The following TRIM33 variants were observed in gnomAD, a reference collection of about 807,000 sequenced individuals.
TRIM33 encodes the protein E3 ubiquitin-protein ligase TRIM33.
TRIM33 carries 20 observed loss-of-function variants against 125.4 expected under a neutral mutation model. The observed-to-expected ratio is 0.16, with a 90% CI of 0.11 to 0.23. The LOEUF (loss-of-function observed/expected upper bound fraction) is 0.23. Among genes scored for constraint, TRIM33 ranks in the 10% least tolerant of loss-of-function variants. The probability of loss-of-function intolerance (pLI) is 1.00; values close to 1 mark genes in which losing one functional copy is unlikely to be tolerated. For missense variants in TRIM33, 920 were observed against 1,411.4 expected (o/e 0.65, Z 5.58); for synonymous variants, 564 against 513.9 (o/e 1.10, Z -1.32).
chr1:114,412,290 G>A (rs774200383), intron 11 of TRIM33, among the ~76,000 whole-genome samples: 9 of 152,080 alleles, frequency 5.9e-5, no homozygotes, highest in African/African-American at 1.9e-4. Context: ...TACCAACTTC[G>A]CTTACAGAAA....
intron 4 of TRIM33, among the ~76,000 whole-genome samples, chr1:114,443,110 G>A (rs140744312): frequency 0.014 from 2,171 of 149,800 alleles, 31 homozygotes; most frequent in South Asian, 0.04. Context: ...GGGGCCAGGT[G>A]CGGTGGCTCA....
At chr1:114,418,244 G>T (rs7516184) in intron 11 of TRIM33, among the ~76,000 whole-genome samples, 6,593 of 152,242 alleles carry the variant, frequency 0.043, 156 homozygotes, top group African/African-American at 0.063. Context: ...AGAACAGCAT[G>T]AGGGAAACCA....
chr1:114,406,629 T>C (rs1299163943), intron 14 of TRIM33, among the ~76,000 whole-genome samples: 1 of 152,202 alleles, frequency 6.6e-6, no homozygotes, highest in African/African-American at 2.4e-5. Flanking sequence ...TGAGATTCAA[T>C]GTGACTACTG....
In TRIM33 at chr1:114,410,219, G is replaced by A; in HGVS notation, c.2159C>T (p.Ser720Phe). The change falls in exon 12 of 20, where the codon TCT becomes TTT. Residue 720 changes from serine to phenylalanine, a missense_variant. Coordinates refer to ENST00000358465, the MANE Select transcript of TRIM33 (RefSeq NM_015906.4). The part of the protein sequence containing the change: ...PPQPTSTMNP[S>F]PGPSALSPGS... ...CGGAGAAAGGGCAGAGGGACCTGGA[G>A]AAGGATTCATGGTGCTTGTAGGCTG... The A allele has an allele frequency of 6.2e-7, 1 of 1,614,096 alleles. No homozygotes were observed. Among genetic ancestry groups the A allele is most frequent in the Non-Finnish European group, 8.5e-7 (1 of 1,179,976 alleles).
At chr1:114,438,685 C>T (rs529887266) in intron 4 of TRIM33, among the ~76,000 whole-genome samples, 1 of 139,418 alleles carries the variant, frequency 7.2e-6, no homozygotes, top group East Asian at 1.9e-4. Context: ...TGTCTCACTT[C>T]TTCTCCAGTA....
intron 11 of TRIM33, among the ~76,000 whole-genome samples, chr1:114,419,928 AAACTTTT>A (rs1653173133): frequency 6.6e-6 from 1 of 152,206 alleles, no homozygotes; most frequent in South Asian, 2.1e-4. Context: ...ATATCTTTTA[AAACTTTT>A]ACATAAGCCC....
Position 114,396,169 on chromosome 1 carries a change from A to C in TRIM33, c.*1479T>G. 4.9e-6 allele frequency: 1 copy of C among 202,654 alleles called. No individual in the cohort carries two copies. The highest frequency in any genetic ancestry group is 1.0e-5 in the Non-Finnish European group (1 of 98,344). 12.6% of individuals were successfully genotyped at this position (202,654 alleles called of 1,614,324 possible). On this transcript the variant is annotated 3_prime_UTR_variant, in exon 20 of 20. Coordinates refer to ENST00000358465, the MANE Select transcript of TRIM33 (RefSeq NM_015906.4). ...AAAAGTAGGACTAAAATCTTTAATC[A>C]AACAAAAGAGAAGCCTGTAACAGTG...
intron 11 of TRIM33, among the ~76,000 whole-genome samples, chr1:114,412,195 G>C (rs1652635923): frequency 6.6e-6 from 1 of 152,096 alleles, no homozygotes; most frequent in South Asian, 2.1e-4. Context: ...TATATAAGCT[G>C]GCACAATATT....
chr1:114,455,925 TA>T (rs1649590345), intron 4 of TRIM33, among the ~76,000 whole-genome samples: 1 of 152,038 alleles, frequency 6.6e-6, no homozygotes, highest in Non-Finnish European at 1.5e-5. Context: ...CACGTGTGGG[TA>T]AAAATGCCAG....
chr1:114,444,878 T>G (rs1390086412), intron 4 of TRIM33, among the ~76,000 whole-genome samples: 3 of 152,180 alleles, frequency 2.0e-5, no homozygotes, highest in Non-Finnish European at 2.9e-5. Flanking sequence ...GATGCTGTAA[T>G]GAGCTAAAAG....
intron 15 of TRIM33, among the ~76,000 whole-genome samples, chr1:114,403,612 A>C (rs1652044621): frequency 6.6e-6 from 1 of 151,844 alleles, no homozygotes; most frequent in Non-Finnish European, 1.5e-5. Flanking sequence ...ATCCTGGCTC[A>C]CTCCAACCTC....
At chr1:114,490,013 G>A (rs542143010) in intron 1 of TRIM33, among the ~76,000 whole-genome samples, 1 of 149,208 alleles carries the variant, frequency 6.7e-6, no homozygotes, top group African/African-American at 2.5e-5. Context: ...CACTTTAGGA[G>A]GCCGAGGCAG....
At chr1:114,437,327 C>G (rs1214536238) in intron 4 of TRIM33, among the ~76,000 whole-genome samples, 2 of 152,064 alleles carry the variant, frequency 1.3e-5, no homozygotes, top group African/African-American at 4.8e-5. Flanking sequence ...TTTAATCTTG[C>G]ATTTTAAAGT....
In TRIM33 at chr1:114,480,410, C is replaced by T. The variant is rs182703660; in HGVS notation, c.527-16022G>A. 9.9e-3 allele frequency among the ~76,000 whole-genome samples: 1,488 copies of T among 150,432 alleles called. 23 individuals are homozygous for T. The highest frequency in any genetic ancestry group is 0.034 in the African/African-American group (1,399 of 40,728). On this transcript the variant is annotated intron_variant, in intron 1 of 19. Transcript: ENST00000358465. ...GTTCACTTGTTTATCTGCTGACCTT[C>T]CTCCACTATTGTCCTATGACCCTGC...
rs969161240 is a variant in TRIM33 at position 114,462,982 on chromosome 1, T to C, written c.923+122A>G. On this transcript the variant is annotated intron_variant, in intron 4 of 19. Transcript: ENST00000358465. ...ATATATTGCTCAAGAAATTAAAATA[T>C]GTAAAATACAGATTTAAAAGATTAA... The C allele has an allele frequency of 4.1e-5, 30 of 727,412 alleles. No individual in the cohort carries two copies. The Admixed American group carries it at 7.4e-4, about 18-fold the overall frequency. 45.1% of individuals were successfully genotyped at this position (727,412 alleles called of 1,614,324 possible).
intron 4 of TRIM33, chr1:114,460,077 C>G (rs1649869893): frequency 6.1e-6 from 1 of 163,982 alleles, no homozygotes; most frequent in Non-Finnish European, 1.4e-5. Context: ...ATTCCATGCC[C>G]ATGCAAAAGG....
chr1:114,436,259 C>T (rs755585255), intron 4 of TRIM33, among the ~76,000 whole-genome samples: 23 of 151,090 alleles, frequency 1.5e-4, no homozygotes, highest in Admixed American at 9.2e-4. Flanking sequence ...AAAATTAGCC[C>T]GGCATGGTGG....
At chr1:114,466,618 T>C (rs1650317383) in intron 1 of TRIM33, among the ~76,000 whole-genome samples, 1 of 152,162 alleles carries the variant, frequency 6.6e-6, no homozygotes, top group Non-Finnish European at 1.5e-5. Flanking sequence ...CTCCAAAACT[T>C]AGACACCAAG....
In TRIM33 at chr1:114,449,060, GA is replaced by G. The variant is rs1365066754; in HGVS notation, c.923+14043del. On this transcript the variant is annotated intron_variant, in intron 4 of 19. Coordinates refer to ENST00000358465, the MANE Select transcript of TRIM33 (RefSeq NM_015906.4). ...AAAAAAACCTTTGAGAGATGAAGGG[GA>G]ATGACCCAAGGGTTTTTAGATGACA... 2.0e-5 allele frequency among the ~76,000 whole-genome samples: 3 copies of G among 152,162 alleles called. No homozygotes were observed. The East Asian group carries it at 5.8e-4, about 29-fold the overall frequency.
Sources: gnomAD v4.1 joint callset for allele counts (sites outside exome capture counted in the v4.1 genomes callset) on GRCh38, gnomAD v4.1.1 for gene constraint, MANE v1.5 for transcripts, NCBI Gene and HGNC (gene_info 2026-07-23, HGNC 2026-07-21) for gene names.